PCDHGB2: variants seen among roughly 807,000 people sequenced by gnomAD.
The protein encoded by PCDHGB2 is protocadherin gamma subfamily B, 2.
A neutral mutation model predicts 59.3 loss-of-function variants in PCDHGB2; 55 were observed. The ratio of observed to expected loss-of-function variants is 0.93; its 90% CI spans 0.75 to 1.16. The LOEUF (loss-of-function observed/expected upper bound fraction) is 1.16, where lower values mean the gene tolerates loss of function less well. PCDHGB2 is among the 50% of genes most tolerant of loss of function. The pLI, the probability that PCDHGB2 is intolerant of heterozygous loss-of-function variation, is 0.00. For missense variants in PCDHGB2, 1,228 were observed against 1,198.5 expected (o/e 1.02, Z -0.36); for synonymous variants, 516 against 512.0 (o/e 1.01, Z -0.11).
In PCDHGB2 at chr5:141,362,321, C is replaced by T; in HGVS notation, c.2186C>T (p.Pro729Leu). 6.2e-7 allele frequency: 1 copy of T among 1,614,078 alleles called. No individual in the cohort carries two copies. Among genetic ancestry groups the T allele is most frequent in the Admixed American group, 1.7e-5 (1 of 60,032 alleles). Residue 729 changes from proline (P) to leucine (L), a missense_variant, in exon 1 of 4, where the codon CCT (proline) becomes CTT (leucine). By Grantham distance (98) the Pro-to-Leu change is moderately conservative. Transcript: ENST00000522605. ...SRSDAWDCFQ[P>L]GLSSKPGPGV... Reference sequence around the variant, plus strand: ...TCAGATGCTTGGGACTGTTTTCAGCCTGGTCTCAGCTCCAAGCCTGGACCT... The same window carrying T: ...TCAGATGCTTGGGACTGTTTTCAGCTTGGTCTCAGCTCCAAGCCTGGACCT...
chr5:141,423,119 G>A (rs769320490), intron 1 of PCDHGB2: 1 of 1,613,774 alleles, frequency 6.2e-7, no homozygotes, highest in South Asian at 1.1e-5. Context: ...CGTACAGCGC[G>A]GGCACTGCTG....
intron 1 of PCDHGB2, chr5:141,427,497 G>C (rs775492626): frequency 1.6e-5 from 9 of 568,020 alleles, no homozygotes; most frequent in African/African-American, 3.7e-5. Flanking sequence ...GCTTGTAACA[G>C]ATGGGACCCT....
chr5:141,393,498 C>T lies in PCDHGB2; in HGVS notation c.2421+30942C>T, dbSNP rs780199451. The T allele has an allele frequency of 3.1e-6, 5 of 1,613,952 alleles. No homozygotes were observed. The highest frequency in any genetic ancestry group is 1.6e-4 in the Middle Eastern group (1 of 6,084). ...GCCTCGCTCTAGCACAGTGCGCATC[C>T]ACGTGACAGTGTTGGATACAAATGA... On this transcript the variant is annotated intron_variant, in intron 1 of 3. Transcript: ENST00000522605.
intron 1 of PCDHGB2, chr5:141,412,854 A>T (rs1356959630): frequency 4.5e-6 from 1 of 223,412 alleles, no homozygotes; most frequent in African/African-American, 2.3e-5. Context: ...GAGAAACCAA[A>T]GAATCTATGT....
In PCDHGB2 at chr5:141,421,044, C is replaced by A. The variant is rs556562994; in HGVS notation, c.2421+58488C>A. 5.5e-6 allele frequency: 3 copies of A among 548,610 alleles called. No individual in the cohort carries two copies. In the South Asian group the frequency reaches 8.2e-5, roughly 15 times the overall value. The allele number at this position is 548,610 out of a possible 1,614,324, so 34.0% of individuals were successfully genotyped here. A position where few individuals can be genotyped will look rare whatever the true frequency, so the allele number is the denominator to read the frequency against. ...CGCGCCATTGAGTCCCTCCCTCCCCCGCCTCTACCACACAAAGCGGAATGA... is the reference window on the plus strand; with the variant it reads ...CGCGCCATTGAGTCCCTCCCTCCCCAGCCTCTACCACACAAAGCGGAATGA... On this transcript the variant is annotated intron_variant, in intron 1 of 3. Transcript: ENST00000522605.
At chr5:141,494,445 A>G (rs1424475551) in intron 1 of PCDHGB2, among the ~76,000 whole-genome samples, 1 of 152,158 alleles carries the variant, frequency 6.6e-6, no homozygotes, top group East Asian at 1.9e-4. Flanking sequence ...TTGCCACTTT[A>G]GGGGGCTTTG....
chr5:141,482,747 G>T lies in PCDHGB2; in HGVS notation c.2422-12060G>T, dbSNP rs182945398. On this transcript the variant is annotated intron_variant, in intron 1 of 3. Transcript: ENST00000522605. ...CATTGCAAGAAATTCCATGCAGAGG[G>T]ATTATGGTATTTCATTATCACTGAA... Among the ~76,000 whole-genome samples, 567 of 128,410 alleles carry T rather than the reference G, an allele frequency of 4.4e-3. 2 individuals carry two copies. The highest frequency in any genetic ancestry group is 0.019 in the African/African-American group (533 of 28,666). The allele number at this position is 128,410 out of a possible 152,430, so 84.2% of individuals were successfully genotyped here. A position where few individuals can be genotyped will look rare whatever the true frequency, so the allele number is the denominator to read the frequency against.
At position 141,361,264 on chromosome 5, in the gene PCDHGB2, G is replaced by A. The variant is rs761311465; in HGVS notation, c.1129G>A (p.Gly377Arg). 1 of 1,613,878 alleles carries A rather than the reference G, an allele frequency of 6.2e-7. No individual in the cohort carries two copies. The highest frequency in any genetic ancestry group is 1.3e-5 in the African/African-American group (1 of 74,930). ...GATAAAAACGAGAGACAGAGACTCT[G>A]GAGAAAATGGAGAAGTTTACTGCCA... ...ALIKTRDRDS[G>R]ENGEVYCQVL... Residue 377 changes from glycine to arginine, a missense_variant, in exon 1 of 4, where the codon GGA (glycine) becomes AGA (arginine). Physicochemically the swap from Gly to Arg is moderately radical, Grantham distance 125. Coordinates refer to ENST00000522605, the MANE Select transcript of PCDHGB2 (RefSeq NM_018923.3).
intron 1 of PCDHGB2, among the ~76,000 whole-genome samples, chr5:141,443,297 A>G (rs1208893030): frequency 6.7e-6 from 1 of 148,196 alleles, no homozygotes; most frequent in East Asian, 2.0e-4. Context: ...CCTGGACAGC[A>G]TGGCAAAAAC....
chr5:141,406,406 C>T (rs976555739), intron 1 of PCDHGB2, among the ~76,000 whole-genome samples: 18 of 152,174 alleles, frequency 1.2e-4, no homozygotes, highest in Non-Finnish European at 1.8e-4. Context: ...CTTAGAGAAA[C>T]AGCTGAAAGC....
At chr5:141,448,663 G>A (rs1195703194) in intron 1 of PCDHGB2, among the ~76,000 whole-genome samples, 3 of 151,920 alleles carry the variant, frequency 2.0e-5, no homozygotes, top group African/African-American at 7.3e-5. Flanking sequence ...CATATTGGCC[G>A]GGCGCGGTGG....
At chr5:141,505,127 A>C (rs926566427) in intron 2 of PCDHGB2, among the ~76,000 whole-genome samples, 1 of 152,158 alleles carries the variant, frequency 6.6e-6, no homozygotes, top group Non-Finnish European at 1.5e-5. Context: ...GCGCCACTGC[A>C]CTCCAGCCTG....
At chr5:141,416,717 A>G (rs1227713508) in intron 1 of PCDHGB2, 1 of 152,256 alleles carries the variant, frequency 6.6e-6, no homozygotes, top group Admixed American at 6.5e-5. Flanking sequence ...GGTACTGATG[A>G]GTTCATTTAG....
At chr5:141,434,978 C>G (rs1287204052) in intron 1 of PCDHGB2, among the ~76,000 whole-genome samples, 2 of 151,700 alleles carry the variant, frequency 1.3e-5, no homozygotes, top group Non-Finnish European at 2.9e-5. Flanking sequence ...TTTGTTAATA[C>G]TCTATATCAT....
At chr5:141,406,070 T>A (rs1451280596) in intron 1 of PCDHGB2, among the ~76,000 whole-genome samples, 1 of 136,270 alleles carries the variant, frequency 7.3e-6, no homozygotes, top group Admixed American at 7.2e-5. Flanking sequence ...AAATTCTTAC[T>A]CCTTTTTTTT....
intron 1 of PCDHGB2, chr5:141,403,454 C>A: frequency 6.2e-7 from 1 of 1,614,054 alleles, no homozygotes; most frequent in Non-Finnish European, 8.5e-7. Flanking sequence ...GAACTCCCTC[C>A]AGAGCTACCA....
intron 1 of PCDHGB2, among the ~76,000 whole-genome samples, chr5:141,368,280 A>G (rs778182605): frequency 2.6e-5 from 4 of 152,160 alleles, no homozygotes; most frequent in African/African-American, 7.2e-5. Context: ...ACCTAAGACC[A>G]CTTGATTTTT....
In PCDHGB2 at chr5:141,402,956, G is replaced by A. The variant is rs1276206622; in HGVS notation, c.2421+40400G>A. Reference sequence around the variant, plus strand: ...AAAATTCCAAAGCGAGGCAGCAATGGCAGCTCCAACCAAATGCCAGCTCCG... The same window carrying A: ...AAAATTCCAAAGCGAGGCAGCAATGACAGCTCCAACCAAATGCCAGCTCCG... On this transcript the variant is annotated intron_variant, in intron 1 of 3. Coordinates refer to ENST00000522605, the MANE Select transcript of PCDHGB2 (RefSeq NM_018923.3). 1.2e-6 allele frequency: 2 copies of A among 1,601,842 alleles called. No individual in the cohort carries two copies. The highest frequency in any genetic ancestry group is 2.7e-5 in the African/African-American group (2 of 74,454).
intron 1 of PCDHGB2, chr5:141,366,142 G>C (rs368467114): frequency 6.2e-7 from 1 of 1,614,176 alleles, no homozygotes; most frequent in African/African-American, 1.3e-5. Context: ...ACGCCTGGCT[G>C]TCCTACCGCC....
Sources: gnomAD v4.1 joint callset for allele counts (sites outside exome capture counted in the v4.1 genomes callset) on GRCh38, gnomAD v4.1.1 for gene constraint, MANE v1.5 for transcripts, NCBI Gene and HGNC (gene_info 2026-07-23, HGNC 2026-07-21) for gene names.